The following PDIA2 variants were observed in gnomAD, a reference collection of about 807,000 sequenced individuals.
PDIA2 encodes the protein protein disulfide-isomerase A2.
In PDIA2, 76 loss-of-function variants were observed where a neutral mutation model predicts 51.1. The ratio of observed to expected loss-of-function variants is 1.49; its 90% CI spans 1.24 to 1.80. PDIA2 has a LOEUF of 1.80. Ranked by LOEUF, PDIA2 falls within the 40% of genes most tolerant of loss-of-function variation. The pLI is 0.00. For missense variants in PDIA2, 946 were observed against 706.5 expected (o/e 1.34, Z -3.84); for synonymous variants, 429 against 309.9 (o/e 1.38, Z -4.04).
chr16:285,002 TTC>T lies in PDIA2; in HGVS notation c.669_670del (p.Phe224GlnfsTer4). ...TTTGGCCTCACCAAGGACACTGTGG[TTC>T]TCTTCAAGAAGGTAGGTCAGGCCCA... On this transcript the variant is annotated frameshift_variant, in exon 4 of 11. Coordinates refer to ENST00000219406, the MANE Select transcript of PDIA2 (RefSeq NM_006849.4). LOFTEE classifies it high-confidence loss of function. The T allele has an allele frequency of 6.2e-7, 1 of 1,613,342 alleles. No homozygotes were observed. The highest frequency in any genetic ancestry group is 8.5e-7 in the Non-Finnish European group (1 of 1,180,012).
rs373590123 is a variant in PDIA2 at position 284,570 on chromosome 16, G to C, written c.383G>C (p.Arg128Pro). 3 of 1,612,284 alleles carry C rather than the reference G, an allele frequency of 1.9e-6. No homozygotes were observed. The highest frequency in any genetic ancestry group is 2.5e-6 in the Non-Finnish European group (3 of 1,179,700). Reference protein sequence around the residue: ...PTLKFFRNGNRTHPEEYTGPR... With the variant: ...PTLKFFRNGNPTHPEEYTGPR... ...CTCAAGTTCTTCCGCAATGGGAACC[G>C]CACGCACCCGGAGGAGTACACAGGT... Residue 128 changes from arginine to proline, a missense_variant, in exon 2 of 11, where the codon CGC (arginine) becomes CCC (proline). Coordinates refer to ENST00000219406, the MANE Select transcript of PDIA2 (RefSeq NM_006849.4).
In PDIA2 at chr16:285,124, T is replaced by G. The variant is rs911653182; in HGVS notation, c.719T>G (p.Leu240Arg). 4.3e-6 allele frequency: 7 copies of G among 1,612,906 alleles called. No individual in the cohort carries two copies. The African/African-American group carries it at 5.3e-5, about 12-fold the overall frequency. Residue 240 changes from leucine to arginine, a missense_variant, in exon 5 of 11, where the codon CTT (leucine) becomes CGT (arginine). Coordinates refer to ENST00000219406, the MANE Select transcript of PDIA2 (RefSeq NM_006849.4). ...GCAGACTTCCCCGTGGACGAGGAGC[T>G]TGGCCTGGACCTGGGGGATCTGTCG... ...GRADFPVDEELGLDLGDLSRF... is the reference protein window; with the variant it reads ...GRADFPVDEERGLDLGDLSRF...
rs767120052 is a variant in PDIA2, at chr16:286,508, G to T, written c.1240+35G>T. The T allele has an allele frequency of 1.9e-6, 3 of 1,612,792 alleles. No individual in the cohort carries two copies. The South Asian group carries it at 3.3e-5, about 18-fold the overall frequency. On this transcript the variant is annotated intron_variant, in intron 8 of 10. Coordinates refer to ENST00000219406, the MANE Select transcript of PDIA2 (RefSeq NM_006849.4). Reference sequence around the variant, plus strand: ...GAGGGAGGCAGGGGTGGTGTGGGCTGGGCAGGGGCTGCCCAGATGGCTGTG... The same window carrying T: ...GAGGGAGGCAGGGGTGGTGTGGGCTTGGCAGGGGCTGCCCAGATGGCTGTG...
Position 283,187 on chromosome 16 carries a change from G to T in PDIA2, c.18G>T (p.Leu6=). 2 of 1,583,292 alleles carry T rather than the reference G, an allele frequency of 1.3e-6. No homozygotes were observed. The highest frequency in any genetic ancestry group is 1.7e-6 in the Non-Finnish European group (2 of 1,165,242). ...GCAGCACCATGAGCCGCCAGCTTCTGCCTGTACTGCTGCTGCTGCTGCTCA... is the reference window on the plus strand; with the variant it reads ...GCAGCACCATGAGCCGCCAGCTTCTTCCTGTACTGCTGCTGCTGCTGCTCA... MSRQL[L]PVLLLLLLRA... is the part of the protein sequence containing the mutation. Residue 6 remains leucine (L), a synonymous_variant, in exon 1 of 11, where the codon CTG becomes CTT. Transcript: ENST00000219406.
In PDIA2 at chr16:284,527, G is replaced by GT. The variant is rs2052327208; in HGVS notation, c.341dup (p.Thr115AspfsTer27). The GT allele has an allele frequency of 6.2e-7, 1 of 1,612,412 alleles. No homozygotes were observed. Among genetic ancestry groups the GT allele is most frequent in the African/African-American group, 1.3e-5 (1 of 74,930 alleles). ...GCGCGAGCTGGCTGAGGAGTTTGGT[G>GT]TGACGGAGTACCCTACGCTCAAGTT... is the stretch of plus-strand genomic sequence containing the variant. On this transcript the variant is annotated frameshift_variant, in exon 2 of 11. Transcript: ENST00000219406. LOFTEE classifies it high-confidence loss of function.
chr16:286,321 C>G (rs2052378321), intron 7 of PDIA2, 32 bp from the exon 8 acceptor site: 2 of 1,586,204 alleles, frequency 1.3e-6, no homozygotes, highest in African/African-American at 1.5e-5. Context: ...GCAGAGGACC[C>G]CTGGCAAAGC....
At chr16:283,785 G>A (rs1158744761) in intron 1 of PDIA2, among the ~76,000 whole-genome samples, 1 of 152,232 alleles carries the variant, frequency 6.6e-6, no homozygotes, top group Admixed American at 6.5e-5. Context: ...CATAGGAACT[G>A]TTCTTGCCTA....
intron 7 of PDIA2, 149 bp downstream of exon 7, chr16:285,852 G>T (rs1259295013): frequency 1.1e-6 from 1 of 875,742 alleles, no homozygotes; most frequent in African/African-American, 2.2e-5. Context: ...CAACCCGGCG[G>T]TTCTCCCAAC....
chr16:287,100 A>G lies in PDIA2; in HGVS notation c.1565A>G (p.Lys522Arg). The G allele has an allele frequency of 1.9e-6, 3 of 1,612,784 alleles. No individual in the cohort carries two copies. Among genetic ancestry groups the G allele is most frequent in the Non-Finnish European group, 2.5e-6 (3 of 1,179,954 alleles). ...EPPANSTMGS[K>R]EEL is the part of the protein sequence containing the mutation. ...CCGGCCAACTCCACTATGGGGTCCA[A>G]GGAGGAACTGTAGCTGCCCCCGTGT... is the stretch of plus-strand genomic sequence containing the variant. Residue 522 changes from lysine to arginine, a missense_variant, in exon 11 of 11, where the codon AAG (lysine) becomes AGG (arginine). Lys to Arg is a conservative substitution (Grantham distance 26). Transcript: ENST00000219406.
rs755232931 is a variant in PDIA2, at chr16:285,595, C to A, written c.1011C>A (p.Arg337=). ...GLKAEAAPTL[R]LVNLETTKKY... ...AGGCTGAGGCAGCCCCCACTCTGCGCTTGGTCAACCTTGAAACCACTAAGA... is the reference window on the plus strand; with the variant it reads ...AGGCTGAGGCAGCCCCCACTCTGCGATTGGTCAACCTTGAAACCACTAAGA... Residue 337 remains arginine (R), a synonymous_variant, in exon 7 of 11, where the codon CGC becomes CGA. Transcript: ENST00000219406. 4.3e-6 allele frequency: 7 copies of A among 1,613,194 alleles called. No individual in the cohort carries two copies. In the Admixed American group the frequency reaches 1.2e-4, roughly 27 times the overall value.
rs781330118 is a variant in PDIA2, at chr16:284,591, C to T, written c.404C>T (p.Thr135Ile). ...AACCGCACGCACCCGGAGGAGTACA[C>T]AGGTGAGGGGCAGGCCGGTCATTGG... ...NGNRTHPEEY[T>I]GPRDAEGIAE... The change falls in exon 2 of 11, where the codon ACA becomes ATA. Residue 135 changes from threonine (T) to isoleucine (I), a missense_variant and splice_region_variant. By Grantham distance (89) the Thr-to-Ile change is moderately conservative (BLOSUM62 -1). Transcript: ENST00000219406. The T allele has an allele frequency of 2.5e-6, 4 of 1,611,218 alleles. No homozygotes were observed. Among genetic ancestry groups the T allele is most frequent in the South Asian group, 2.2e-5 (2 of 90,818 alleles).
In PDIA2 at chr16:284,373, G is replaced by T; in HGVS notation, c.200-14G>T. On this transcript the variant is annotated splice_polypyrimidine_tract_variant and intron_variant, in intron 1 of 10. Transcript: ENST00000219406. ...GTTGTGGTGGCCTGGGGCACTCACG[G>T]CCCCATCCCCCAGATGCCCCGTGGT... 6.5e-7 allele frequency: 1 copy of T among 1,542,396 alleles called. No individual in the cohort carries two copies. Among genetic ancestry groups the T allele is most frequent in the South Asian group, 1.2e-5 (1 of 84,406 alleles).
Position 287,195 on chromosome 16 carries a change from A to T in PDIA2, c.*82A>T. 6.4e-7 allele frequency: 1 copy of T among 1,563,766 alleles called. No homozygotes were observed. The highest frequency in any genetic ancestry group is 8.8e-7 in the Non-Finnish European group (1 of 1,138,744). On this transcript the variant is annotated 3_prime_UTR_variant, in exon 11 of 11. Transcript: ENST00000219406. ...CAGAGGGAGCTGTGCATTGTGAATAAAGAGTGAGCTTGGTTCTGGACTCTG... is the reference window on the plus strand; with the variant it reads ...CAGAGGGAGCTGTGCATTGTGAATATAGAGTGAGCTTGGTTCTGGACTCTG...
rs113796220 is a variant in PDIA2, at chr16:285,089, T to C, written c.684T>C (p.Asp228=). The change falls in exon 5 of 11, where the codon GAT becomes GAC. Residue 228 remains aspartate, a synonymous_variant. Transcript: ENST00000219406. ...ACCCACCTGCTGCTGTCCAGTTTGA[T>C]GAGGGGCGGGCAGACTTCCCCGTGG... ...KDTVVLFKKF[D]EGRADFPVDE... 2,970 of 1,612,654 alleles carry C rather than the reference T, an allele frequency of 1.8e-3. 9 individuals carry two copies. The highest frequency in any genetic ancestry group is 7.1e-3 in the African/African-American group (529 of 74,986).
chr16:284,278 G>C (rs2052324125), intron 1 of PDIA2, 109 bp from the exon 2 acceptor site: 4 of 1,144,612 alleles, frequency 3.5e-6, no homozygotes, highest in Non-Finnish European at 5.0e-6. Flanking sequence ...CACGGCCAGG[G>C]CTCAGGGCAG....
At position 285,431 on chromosome 16, in the gene PDIA2, G is replaced by A. The variant is rs1015233962; in HGVS notation, c.915G>A (p.Arg305=). Residue 305 remains arginine (R), a synonymous_variant, in exon 6 of 11, where the codon CGG becomes CGA. Coordinates refer to ENST00000219406, the MANE Select transcript of PDIA2 (RefSeq NM_006849.4). ...TTGGGGAGGCAGCTCCCCGCTTCCG[G>A]GGGCAGGTACTGGGGGGCTGGGGGA... ...AGFGEAAPRF[R]GQVLFVVVDV... The A allele has an allele frequency of 2.5e-6, 4 of 1,611,054 alleles. No homozygotes were observed. The highest frequency in any genetic ancestry group is 3.4e-6 in the Non-Finnish European group (4 of 1,179,404).
chr16:286,680 T>C lies in PDIA2; in HGVS notation c.1367T>C (p.Phe456Ser). The change falls in exon 9 of 11, where the codon TTC becomes TCC. Residue 456 changes from phenylalanine (F) to serine (S), a missense_variant. Coordinates refer to ENST00000219406, the MANE Select transcript of PDIA2 (RefSeq NM_006849.4). The part of the protein sequence containing the change: ...LDATANELDA[F>S]AVHGFPTLKY... Reference sequence around the variant, plus strand: ...GCCACGGCCAACGAGCTGGATGCCTTCGCTGTGCACGGCTTCCCTACTCTC... The same window carrying C: ...GCCACGGCCAACGAGCTGGATGCCTCCGCTGTGCACGGCTTCCCTACTCTC... The C allele has an allele frequency of 3.1e-6, 5 of 1,612,434 alleles. No individual in the cohort carries two copies. Among genetic ancestry groups the C allele is most frequent in the Non-Finnish European group, 4.2e-6 (5 of 1,179,972 alleles).
At position 286,832 on chromosome 16, in the gene PDIA2, C is replaced by A; in HGVS notation, c.1423-3C>A. ...TCCTCCAGATCCCCCTGCCTCTTCT[C>A]AGGTGATTGAATACAAAAGCACCAG... On this transcript the variant is annotated splice_region_variant and splice_polypyrimidine_tract_variant and intron_variant, in intron 9 of 10. Coordinates refer to ENST00000219406, the MANE Select transcript of PDIA2 (RefSeq NM_006849.4). 4 of 1,611,008 alleles carry A rather than the reference C, an allele frequency of 2.5e-6. No individual in the cohort carries two copies. Among genetic ancestry groups the A allele is most frequent in the Non-Finnish European group, 3.4e-6 (4 of 1,179,160 alleles).
At chr16:284,835 CTG>C (rs1464217301) in intron 3 of PDIA2, 41 bp from the exon 4 acceptor site, 2 of 1,604,858 alleles carry the variant, frequency 1.2e-6, no homozygotes, top group Non-Finnish European at 1.7e-6. Flanking sequence ...AGGGCAGTGA[CTG>C]TGGGTGGGAC....
Sources: allele counts gnomAD v4.1 joint callset (sites outside exome capture counted in the v4.1 genomes callset), GRCh38; gene constraint gnomAD v4.1.1; transcripts MANE v1.5; gene names NCBI Gene and HGNC (gene_info 2026-07-23, HGNC 2026-07-21).